Variants in ENTPD3 observed in about 807,000 individuals in gnomAD.
ENTPD3 encodes ectonucleoside triphosphate diphosphohydrolase 3.
Under a neutral mutation model 51.2 loss-of-function variants are expected in ENTPD3, and 60 were observed. The observed-to-expected ratio is 1.17, with a 90% CI of 0.95 to 1.45. The LOEUF is 1.45. Among genes scored for constraint, ENTPD3 ranks in the 40% most tolerant of loss-of-function variants. ENTPD3 has a pLI of 0.00. For missense variants in ENTPD3, 593 were observed against 641.1 expected, an observed-to-expected ratio of 0.93 and a Z score of 0.81; for synonymous variants, 221 against 238.4, an observed-to-expected ratio of 0.93 and a Z score of 0.67.
intron 6 of ENTPD3, 43 bp downstream of exon 6, chr3:40,414,883 C>T: frequency 6.2e-7 from 1 of 1,603,076 alleles, no homozygotes. Flanking sequence ...TACTGTTTAT[C>T]CTATCCCCTG....
intron 7 of ENTPD3, among the ~76,000 whole-genome samples, chr3:40,418,764 G>A (rs1955800334): frequency 6.6e-6 from 1 of 151,752 alleles, no homozygotes; most frequent in African/African-American, 2.4e-5. Flanking sequence ...GTAAAAACTT[G>A]GCTTCATATG....
intron 4 of ENTPD3, 114 bp from the exon 5 acceptor site, chr3:40,411,698 G>C (rs977370650): frequency 7.4e-6 from 8 of 1,083,412 alleles, no homozygotes; most frequent in Non-Finnish European, 1.0e-5. Context: ...AGCTGTTTTC[G>C]ACCCCCTACC....
intron 7 of ENTPD3, among the ~76,000 whole-genome samples, chr3:40,418,332 A>C (rs1955792377): frequency 6.6e-6 from 1 of 152,220 alleles, no homozygotes; most frequent in Non-Finnish European, 1.5e-5. Flanking sequence ...CATAGGTCAA[A>C]TATGTATTGC....
At chr3:40,400,443 C>A (rs1028858391) in intron 3 of ENTPD3, among the ~76,000 whole-genome samples, 2 of 152,002 alleles carry the variant, frequency 1.3e-5, no homozygotes, top group Non-Finnish European at 2.9e-5. Flanking sequence ...GGCTTTTGTA[C>A]CTCTCCCCAG....
chr3:40,413,615 C>A (rs1424139632), intron 5 of ENTPD3, among the ~76,000 whole-genome samples: 1 of 152,186 alleles, frequency 6.6e-6, no homozygotes, highest in Non-Finnish European at 1.5e-5. Context: ...CTCCCTCCCC[C>A]AGTCTTTCAG....
chr3:40,427,308 A>G lies in ENTPD3; in HGVS notation c.1390A>G (p.Met464Val), dbSNP rs372873907. 1 of 1,614,130 alleles carries G rather than the reference A, an allele frequency of 6.2e-7. No individual in the cohort carries two copies. The highest frequency in any genetic ancestry group is 8.5e-7 in the Non-Finnish European group (1 of 1,180,016). Residue 464 changes from methionine (M) to valine (V), a missense_variant, in exon 11 of 11, where the codon ATG becomes GTG. Met to Val is a conservative substitution (Grantham distance 21). Transcript: ENST00000301825. ...NSSIAWSLGY[M>V]LSLTNQIPAE... is the part of the protein sequence containing the mutation. ...CAGCATAGCCTGGTCTCTTGGCTAC[A>G]TGCTCAGCCTGACCAACCAGATCCC...
rs775572312 is a variant in ENTPD3 at position 40,388,088 on chromosome 3, G to A, written c.31G>A (p.Glu11Lys). 1 of 1,614,148 alleles carries A rather than the reference G, an allele frequency of 6.2e-7. No individual in the cohort carries two copies. The highest frequency in any genetic ancestry group is 8.5e-7 in the Non-Finnish European group (1 of 1,180,018). MFTVLTRQPCEQAGLKALYRT... is the reference protein window; with the variant it reads MFTVLTRQPCKQAGLKALYRT... Reference sequence around the variant, plus strand: ...CACTGTGCTGACCCGCCAACCATGTGAGCAAGCAGGTTAGTATCTCTCAGC... The same window carrying A: ...CACTGTGCTGACCCGCCAACCATGTAAGCAAGCAGGTTAGTATCTCTCAGC... Residue 11 changes from glutamate to lysine, a missense_variant, in exon 2 of 11, where the codon GAG (glutamate) becomes AAG (lysine). Transcript: ENST00000301825.
At chr3:40,427,166 C>T (rs1956001137) in intron 10 of ENTPD3, 106 bp from the exon 11 acceptor site, 2 of 952,486 alleles carry the variant, frequency 2.1e-6, no homozygotes, top group East Asian at 2.4e-5. Flanking sequence ...CTTTGGGCCA[C>T]AATTTCCCAT....
At chr3:40,414,234 C>T (rs1034788612) in intron 5 of ENTPD3, among the ~76,000 whole-genome samples, 1 of 152,190 alleles carries the variant, frequency 6.6e-6, no homozygotes, top group Admixed American at 6.5e-5. Context: ...CAATGTTCTT[C>T]CTTTCCCCCT....
intron 2 of ENTPD3, among the ~76,000 whole-genome samples, chr3:40,390,545 A>T (rs1040381392): frequency 1.3e-5 from 2 of 152,158 alleles, no homozygotes; most frequent in Non-Finnish European, 2.9e-5. Flanking sequence ...TTATCTTTTT[A>T]AAAAATTAGG....
intron 5 of ENTPD3, among the ~76,000 whole-genome samples, chr3:40,414,067 G>A (rs1200567388): frequency 1.3e-5 from 2 of 152,100 alleles, no homozygotes; most frequent in Non-Finnish European, 2.9e-5. Context: ...GCAGATGGAC[G>A]CCATAACATT....
intron 4 of ENTPD3, 27 bp downstream of exon 4, chr3:40,401,038 C>A (rs1461111513): frequency 2.6e-6 from 4 of 1,532,066 alleles, no homozygotes; most frequent in South Asian, 2.2e-5. Context: ...GTCTGGGAGT[C>A]ACAATGGGCA....
chr3:40,423,003 G>T lies in ENTPD3; in HGVS notation c.985G>T (p.Gly329Trp), dbSNP rs200985946. 1.6e-4 allele frequency: 255 copies of T among 1,613,968 alleles called. No individual in the cohort carries two copies. The highest frequency in any genetic ancestry group is 2.1e-4 in the Non-Finnish European group (246 of 1,179,994). Reference sequence around the variant, plus strand: ...TGATGTCATCACTTTTGAAGGAACTGGGGACCCATCTCTGTGTAAGGAGAA... The same window carrying T: ...TGATGTCATCACTTTTGAAGGAACTTGGGACCCATCTCTGTGTAAGGAGAA... ...PNDVITFEGT[G>W]DPSLCKEKVA... Residue 329 changes from glycine (G) to tryptophan (W), a missense_variant, in exon 8 of 11, where the codon GGG becomes TGG. Transcript: ENST00000301825.
intron 7 of ENTPD3, among the ~76,000 whole-genome samples, chr3:40,419,057 T>C (rs941937117): frequency 3.3e-5 from 5 of 152,208 alleles, no homozygotes; most frequent in Non-Finnish European, 7.4e-5. Flanking sequence ...AATATGTTGT[T>C]CTTCTACACT....
intron 10 of ENTPD3, among the ~76,000 whole-genome samples, chr3:40,426,166 T>C (rs970018466): frequency 3.6e-5 from 5 of 139,334 alleles, no homozygotes; most frequent in African/African-American, 1.3e-4. Flanking sequence ...TGGAGTGCAA[T>C]GGTGTGATCT....
chr3:40,397,220 C>T (rs936238382), intron 3 of ENTPD3, among the ~76,000 whole-genome samples: 1 of 137,644 alleles, frequency 7.3e-6, no homozygotes, highest in African/African-American at 2.6e-5. Flanking sequence ...ACTTTACTTT[C>T]AAGGGACTTT....
At chr3:40,404,712 G>A (rs1407784393) in intron 4 of ENTPD3, among the ~76,000 whole-genome samples, 1 of 152,164 alleles carries the variant, frequency 6.6e-6, no homozygotes, top group East Asian at 1.9e-4. Context: ...CAGAGTTGAA[G>A]GTCAGCAAGT....
At chr3:40,393,930 G>A (rs1955127233) in intron 3 of ENTPD3, among the ~76,000 whole-genome samples, 1 of 150,878 alleles carries the variant, frequency 6.6e-6, no homozygotes, top group African/African-American at 2.4e-5. Flanking sequence ...TGTAGTCCCA[G>A]CTAGCTACTC....
chr3:40,426,005 A>G (rs1247721118), intron 10 of ENTPD3, among the ~76,000 whole-genome samples: 1 of 151,758 alleles, frequency 6.6e-6, no homozygotes, highest in Non-Finnish European at 1.5e-5. Flanking sequence ...TATCCACATG[A>G]TAAGGGTGTG....
Sources: allele counts gnomAD v4.1 joint callset (sites outside exome capture counted in the v4.1 genomes callset), GRCh38; gene constraint gnomAD v4.1.1; transcripts MANE v1.5; gene names NCBI Gene and HGNC (gene_info 2026-07-23, HGNC 2026-07-21).